Variants in GSDMA observed in about 807,000 individuals in gnomAD.
GSDMA encodes gasdermin-A.
In GSDMA, 55 loss-of-function variants were observed where a neutral mutation model predicts 54.3. That is an observed-to-expected ratio of 1.01 (90% confidence interval 0.82 to 1.27). GSDMA has a LOEUF of 1.27. GSDMA is among the 50% of genes most tolerant of loss of function. The pLI is 0.00. For missense variants in GSDMA, 542 were observed against 542.6 expected, an observed-to-expected ratio of 1.00 and a Z score of 0.01; for synonymous variants, 211 against 224.7, an observed-to-expected ratio of 0.94 and a Z score of 0.54.
chr17:39,968,568 G>A (rs879879024), intron 3 of GSDMA, among the ~76,000 whole-genome samples: 5 of 151,116 alleles, frequency 3.3e-5, no homozygotes, highest in Non-Finnish European at 7.4e-5. Context: ...GGCTGGTCTC[G>A]AACTCCTGAC....
At chr17:39,974,645 G>T (rs1475161134) in intron 9 of GSDMA, among the ~76,000 whole-genome samples, 1 of 152,188 alleles carries the variant, frequency 6.6e-6, no homozygotes. Context: ...GCAAACAGTG[G>T]GTTCCCCCAA....
chr17:39,971,733 G>A (rs1979953740), intron 5 of GSDMA, 113 bp downstream of exon 5: 1 of 754,628 alleles, frequency 1.3e-6, no homozygotes, highest in Non-Finnish European at 2.2e-6. Flanking sequence ...GGGGTGTATT[G>A]TACTGTGATC....
chr17:39,976,778 C>G, intron 11 of GSDMA, 38 bp from the exon 12 acceptor site: 1 of 1,609,588 alleles, frequency 6.2e-7, no homozygotes, highest in Non-Finnish European at 8.5e-7. Context: ...AGAGAGGTTT[C>G]CAGTTCTTTC....
intron 3 of GSDMA, among the ~76,000 whole-genome samples, 192 bp downstream of exon 3, chr17:39,966,629 CGCT>C (rs2144785639): frequency 6.6e-6 from 1 of 152,040 alleles, no homozygotes; most frequent in South Asian, 2.1e-4. Context: ...TCACACCTCC[CGCT>C]GCTGCCACCG....
At position 39,977,151 on chromosome 17, in the gene GSDMA, G is replaced by A; in HGVS notation, c.*93G>A. The A allele has an allele frequency of 7.0e-7, 1 of 1,435,440 alleles. No individual in the cohort carries two copies. The highest frequency in any genetic ancestry group is 1.4e-5 in the African/African-American group (1 of 70,510). The allele number at this position is 1,435,440 out of a possible 1,614,324, so 88.9% of individuals were successfully genotyped here. A position where few individuals can be genotyped will look rare whatever the true frequency, so the allele number is the denominator to read the frequency against. On this transcript the variant is annotated 3_prime_UTR_variant, in exon 12 of 12. Coordinates refer to ENST00000301659, the MANE Select transcript of GSDMA (RefSeq NM_178171.5). Reference sequence around the variant, plus strand: ...ACCTAAGGGCATTTCAGAGCCATCAGCTGAAGACATCTGAAATCTCAGCTG... The same window carrying A: ...ACCTAAGGGCATTTCAGAGCCATCAACTGAAGACATCTGAAATCTCAGCTG...
rs750955710 is a variant in GSDMA at position 39,970,547 on chromosome 17, T to C, written c.458T>C (p.Val153Ala). 1.2e-5 allele frequency: 20 copies of C among 1,608,100 alleles called. No homozygotes were observed. Among genetic ancestry groups the C allele is most frequent in the Non-Finnish European group, 1.7e-5 (20 of 1,176,986 alleles). ...MQDQGENLYV[V>A]MEVVETVQEV... Reference sequence around the variant, plus strand: ...GATCAAGGGGAGAACCTGTATGTGGTGATGGAGGTGGTGGAGACGGTGCAG... The same window carrying C: ...GATCAAGGGGAGAACCTGTATGTGGCGATGGAGGTGGTGGAGACGGTGCAG... Residue 153 changes from valine to alanine, a missense_variant, in exon 4 of 12, where the codon GTG becomes GCG. Val to Ala is a moderately conservative substitution (Grantham distance 64). Coordinates refer to ENST00000301659, the MANE Select transcript of GSDMA (RefSeq NM_178171.5).
Position 39,977,290 on chromosome 17 carries a change from TTC to T in GSDMA, c.*234_*235del, listed in dbSNP as rs1491250258. 0.064 allele frequency: 5,776 copies of T among 90,106 alleles called. 118 individuals are homozygous for T. The highest frequency in any genetic ancestry group is 0.11 in the Middle Eastern group (19 of 172). 5.6% of individuals were successfully genotyped at this position (90,106 alleles called of 1,614,324 possible). A position where few individuals can be genotyped will look rare whatever the true frequency, so the allele number is the denominator to read the frequency against. ...TGCTTAAATTTTCTTTACTTTTCTT[TTC>T]TTTTTTTTTTTTTTTTTGAGATGGA... On this transcript the variant is annotated 3_prime_UTR_variant, in exon 12 of 12. Transcript: ENST00000301659.
At chr17:39,972,548 G>T (rs994173318) in intron 6 of GSDMA, 39 bp from the exon 7 acceptor site, 2 of 1,606,526 alleles carry the variant, frequency 1.2e-6, no homozygotes, top group Non-Finnish European at 1.7e-6. Flanking sequence ...GGCAAAAATG[G>T]GTTTTGTGCT....
chr17:39,970,658 AACAC>A lies in GSDMA; in HGVS notation c.558+34_558+37del, dbSNP rs58338887. On this transcript the variant is annotated intron_variant, in intron 4 of 11. Coordinates refer to ENST00000301659, the MANE Select transcript of GSDMA (RefSeq NM_178171.5). ...CCATTGGGGCTACAGGTTTGATTCAAACACACACACACACACACACACACACTCT... is the reference window on the plus strand; with the variant it reads ...CCATTGGGGCTACAGGTTTGATTCAAACACACACACACACACACACACTCT... 0.015 allele frequency: 20,839 copies of A among 1,347,884 alleles called. 1,510 individuals are homozygous for A. The African/African-American group carries it at 0.23, about 15-fold the overall frequency. The allele number at this position is 1,347,884 out of a possible 1,614,324, so 83.5% of individuals were successfully genotyped here.
In GSDMA at chr17:39,968,967, T is replaced by C. The variant is rs370900667; in HGVS notation, c.393-1515T>C. 1.5e-4 allele frequency among the ~76,000 whole-genome samples: 23 copies of C among 152,286 alleles called. No individual in the cohort carries two copies. The East Asian group carries it at 2.9e-3, about 19-fold the overall frequency. ...TTTCTGGTTCTGCTGAGACATCAGC[T>C]GAGCATGTTGAACAGGTGATTGGAA... On this transcript the variant is annotated intron_variant, in intron 3 of 11. Transcript: ENST00000301659.
chr17:39,974,445 G>A lies in GSDMA; in HGVS notation c.906+18G>A, dbSNP rs1265332291. On this transcript the variant is annotated intron_variant, in intron 9 of 11. Coordinates refer to ENST00000301659, the MANE Select transcript of GSDMA (RefSeq NM_178171.5). ...AGCTCGCAGTGAGGACCTAGTGGAA[G>A]TGGGGAAGGGTGGGAGAAGGCATGT... The A allele has an allele frequency of 6.4e-7, 1 of 1,555,104 alleles. No homozygotes were observed. The highest frequency in any genetic ancestry group is 2.4e-5 in the East Asian group (1 of 42,180).
intron 1 of GSDMA, 164 bp from the exon 2 acceptor site, chr17:39,965,519 C>G (rs1183938659): frequency 3.3e-6 from 2 of 611,012 alleles, no homozygotes; most frequent in East Asian, 5.5e-5. Context: ...TGCAGACTCC[C>G]TTGATTCTTT....
intron 7 of GSDMA, 71 bp from the exon 8 acceptor site, chr17:39,973,739 C>A: frequency 7.6e-7 from 1 of 1,313,022 alleles, no homozygotes; most frequent in Non-Finnish European, 1.1e-6. Flanking sequence ...TCCTTAGTGT[C>A]TCAACCCCTG....
At chr17:39,964,642 G>A (rs746829890) in intron 1 of GSDMA, among the ~76,000 whole-genome samples, 3 of 152,104 alleles carry the variant, frequency 2.0e-5, no homozygotes, top group Non-Finnish European at 4.4e-5. Context: ...ACTCATACCT[G>A]TGGCACGCAT....
chr17:39,964,449 G>C (rs1353168183), intron 1 of GSDMA, among the ~76,000 whole-genome samples: 1 of 152,002 alleles, frequency 6.6e-6, no homozygotes, highest in African/African-American at 2.4e-5. Context: ...CACACCTGCA[G>C]TCCCAGCTAC....
At chr17:39,972,029 G>T in intron 5 of GSDMA, 100 bp from the exon 6 acceptor site, 1 of 726,914 alleles carries the variant, frequency 1.4e-6, no homozygotes. Context: ...TGGGGTGCAA[G>T]GTCCTAGCCC....
intron 10 of GSDMA, 35 bp downstream of exon 10, chr17:39,975,049 T>C (rs752072882): frequency 6.9e-5 from 80 of 1,160,910 alleles, no homozygotes; most frequent in Non-Finnish European, 9.5e-5. Context: ...TTATAGACCT[T>C]TTCAGTAATA....
At chr17:39,972,543 A>T in intron 6 of GSDMA, 44 bp from the exon 7 acceptor site, 1 of 1,605,080 alleles carries the variant, frequency 6.2e-7, no homozygotes, top group Non-Finnish European at 8.5e-7. Context: ...GAAAAGGCAA[A>T]AATGGGTTTT....
At chr17:39,967,097 T>C (rs1473036911) in intron 3 of GSDMA, among the ~76,000 whole-genome samples, 1 of 152,178 alleles carries the variant, frequency 6.6e-6, no homozygotes, top group Non-Finnish European at 1.5e-5. Flanking sequence ...GGGGTAGTCA[T>C]CCAGCAAGCA....
Sources: gnomAD v4.1 joint callset for allele counts (sites outside exome capture counted in the v4.1 genomes callset) on GRCh38, gnomAD v4.1.1 for gene constraint, MANE v1.5 for transcripts, NCBI Gene and HGNC (gene_info 2026-07-23, HGNC 2026-07-21) for gene names.